Variants in FAM153A observed in about 807,000 individuals in gnomAD.
The protein encoded by FAM153A is family with sequence similarity 153 member A, also known as protein FAM153A.
A neutral mutation model predicts 48.1 loss-of-function variants in FAM153A; 12 were observed. The observed-to-expected ratio is 0.25, with a 90% CI of 0.16 to 0.40. The LOEUF is 0.40. Among genes scored for constraint, FAM153A ranks in the 10% least tolerant of loss-of-function variants. The pLI is 1.00. For missense variants in FAM153A, 111 were observed against 345.8 expected (o/e 0.32, Z 5.38); for synonymous variants, 36 against 118.2 (o/e 0.30, Z 4.51).
At chr5:177,758,749 G>T (rs1418163315) in intron 1 of FAM153A, among the ~76,000 whole-genome samples, 2 of 148,890 alleles carry the variant, frequency 1.3e-5, no homozygotes, top group African/African-American at 2.5e-5. Flanking sequence ...ATAATAAATG[G>T]TGCTGGGAAA....
At chr5:177,732,031 A>G (rs1368536157) in exon 15 of FAM153A, 2 of 339,228 alleles carry the variant, frequency 5.9e-6, no homozygotes, top group East Asian at 1.3e-4. Context: ...CGACTTTACC[A>G]TGTGAACCCC....
the FAM153A span, among the ~76,000 whole-genome samples, chr5:177,694,839 C>T: frequency 1.3e-5 from 2 of 149,036 alleles, no homozygotes; most frequent in African/African-American, 5.0e-5. Context: ...TCCCTCAATC[C>T]CACCAGCCTG....
At chr5:177,696,921 T>G in the FAM153A span, among the ~76,000 whole-genome samples, 92 of 151,904 alleles carry the variant, frequency 6.1e-4, 1 homozygote, top group African/African-American at 2.1e-3. Context: ...GTTTTGGCTA[T>G]TCTAGGTTAT....
intron 6 of FAM153A, among the ~76,000 whole-genome samples, chr5:177,741,723 T>A (rs1474789408): frequency 4.1e-5 from 1 of 24,208 alleles, no homozygotes; most frequent in Non-Finnish European, 8.0e-5. Context: ...GTAAAACATA[T>A]ACAAAATTTA....
At chr5:177,703,169 GC>G (rs1179268523), downstream of FAM153A, among the ~76,000 whole-genome samples, 2 of 152,178 alleles carry the variant, frequency 1.3e-5, no homozygotes, top group Non-Finnish European at 2.9e-5. Context: ...CGGGGGCTGA[GC>G]CTTGCAAAGC....
intron 18 of FAM153A, among the ~76,000 whole-genome samples, chr5:177,725,788 T>C (rs1164261139): frequency 6.6e-6 from 1 of 151,574 alleles, no homozygotes; most frequent in African/African-American, 2.4e-5. Context: ...ACAGGGAGGG[T>C]GAGAGCCACT....
intron 25 of FAM153A, among the ~76,000 whole-genome samples, chr5:177,715,254 T>G (rs1243051457): frequency 6.6e-6 from 1 of 151,600 alleles, no homozygotes; most frequent in South Asian, 2.1e-4. Context: ...AGTGCTGAGA[T>G]TACAGGCGTG....
At chr5:177,743,495 T>C (rs1217720688) in intron 6 of FAM153A, among the ~76,000 whole-genome samples, 5 of 119,226 alleles carry the variant, frequency 4.2e-5, no homozygotes, top group Non-Finnish European at 8.6e-5. Context: ...CCTGGAATTA[T>C]CCATTCTGGG....
the FAM153A span, among the ~76,000 whole-genome samples, chr5:177,694,341 T>A: frequency 7.3e-6 from 1 of 136,116 alleles, no homozygotes; most frequent in African/African-American, 2.9e-5. Context: ...GTCTCTGTGC[T>A]CAGATGTTGG....
chr5:177,702,540 G>A, the FAM153A span, among the ~76,000 whole-genome samples: 2 of 151,910 alleles, frequency 1.3e-5, no homozygotes, highest in African/African-American at 4.9e-5. Flanking sequence ...ACGTAAAAAG[G>A]TGCCAAGTGC....
the FAM153A span, among the ~76,000 whole-genome samples, chr5:177,694,795 A>C: frequency 7.4e-6 from 1 of 134,550 alleles, no homozygotes; most frequent in Admixed American, 7.5e-5. Flanking sequence ...GAAGAAAGGA[A>C]AACTTATAGC....
At chr5:177,719,377 G>C (rs1420440430), downstream of FAM153A, among the ~76,000 whole-genome samples, 1 of 145,850 alleles carries the variant, frequency 6.9e-6, no homozygotes, top group Non-Finnish European at 1.5e-5. Flanking sequence ...TGTGGCAAAT[G>C]GTTACCTCTA....
chr5:177,759,443 C>G (rs11950536), intron 1 of FAM153A, among the ~76,000 whole-genome samples: 2 of 151,504 alleles, frequency 1.3e-5, no homozygotes, highest in African/African-American at 4.9e-5. Flanking sequence ...AAATACCATT[C>G]GACCCAGCCA....
At chr5:177,749,980 GA>G (rs1429881269) in intron 2 of FAM153A, among the ~76,000 whole-genome samples, 1 of 148,054 alleles carries the variant, frequency 6.8e-6, no homozygotes, top group African/African-American at 2.5e-5. Flanking sequence ...ACCCAAATTG[GA>G]AGCAGCTCAG....
At chr5:177,716,400 CTTCT>C (rs1759799575) in exon 25 of FAM153A, 1 of 151,912 alleles carries the variant, frequency 6.6e-6, no homozygotes, top group Admixed American at 6.5e-5. Context: ...AACTTGAGAA[CTTCT>C]TTCAGTAGGT....
intron 6 of FAM153A, among the ~76,000 whole-genome samples, chr5:177,743,208 T>G (rs867219002): frequency 9.5e-4 from 39 of 40,944 alleles, no homozygotes; most frequent in South Asian, 4.4e-3. Flanking sequence ...TTTGTTTTGT[T>G]TTTTTTTTTT....
chr5:177,753,603 C>G (rs866465058), upstream of FAM153A, among the ~76,000 whole-genome samples: 1 of 150,276 alleles, frequency 6.7e-6, no homozygotes, highest in East Asian at 1.9e-4. Context: ...GAAATGCCTT[C>G]CCCACCAATT....
At chr5:177,705,861 T>C (rs1489395365), downstream of FAM153A, among the ~76,000 whole-genome samples, 1 of 151,504 alleles carries the variant, frequency 6.6e-6, no homozygotes, top group East Asian at 1.9e-4. Flanking sequence ...GGTTTCACCA[T>C]GTTGGCCAGG....
intron 1 of FAM153A, among the ~76,000 whole-genome samples, chr5:177,769,446 T>C (rs1768985472): frequency 1.0e-5 from 1 of 96,250 alleles, no homozygotes; most frequent in African/African-American, 4.2e-5. Context: ...GGGGGTGTCT[T>C]AGAACGTTAT....
Sources: allele counts gnomAD v4.1 joint callset (sites outside exome capture counted in the v4.1 genomes callset), GRCh38; gene constraint gnomAD v4.1.1; transcripts MANE v1.5; gene names NCBI Gene and HGNC (gene_info 2026-07-23, HGNC 2026-07-21).